The following AGAP1 variants were observed in gnomAD, a reference collection of about 807,000 sequenced individuals.
AGAP1 encodes ArfGAP with GTPase domain, ankyrin repeat and PH domain 1.
In AGAP1, 29 loss-of-function variants were observed where a neutral mutation model predicts 105.3. The observed-to-expected ratio is 0.28, with a 90% CI of 0.21 to 0.38. The LOEUF is 0.38. Ranked by LOEUF, AGAP1 falls within the 10% of genes least tolerant of loss-of-function variation. The probability of loss-of-function intolerance (pLI) is 1.00; values close to 1 mark genes in which losing one functional copy is unlikely to be tolerated. For missense variants in AGAP1, 998 were observed against 1,165.1 expected (o/e 0.86, Z 2.09); for synonymous variants, 509 against 485.9 (o/e 1.05, Z -0.63).
At chr2:235,538,649 C>CGAAG (rs1559233332) in intron 1 of AGAP1, among the ~76,000 whole-genome samples, 2 of 152,072 alleles carry the variant, frequency 1.3e-5, no homozygotes, top group Admixed American at 6.5e-5. Context: ...TTACCCTCTT[C>CGAAG]CTCTTTGGTT....
intron 1 of AGAP1, among the ~76,000 whole-genome samples, chr2:235,658,380 C>T (rs2149334893): frequency 6.6e-6 from 1 of 152,334 alleles, no homozygotes; most frequent in Admixed American, 6.5e-5. Context: ...AAGGCCCAGG[C>T]CTTTGTACTG....
chr2:235,718,261 G>A (rs1951217967), intron 3 of AGAP1: 1 of 503,452 alleles, frequency 2.0e-6, no homozygotes, highest in Non-Finnish European at 2.6e-6. Flanking sequence ...ACGAAGGGGT[G>A]TAGTTGACAA....
intron 1 of AGAP1, among the ~76,000 whole-genome samples, chr2:235,584,532 C>A (rs1945038501): frequency 6.7e-6 from 1 of 149,918 alleles, no homozygotes. Context: ...GAGGTTGTGA[C>A]AGCAACACGC....
At chr2:235,544,294 G>C (rs1943551767) in intron 1 of AGAP1, among the ~76,000 whole-genome samples, 1 of 152,114 alleles carries the variant, frequency 6.6e-6, no homozygotes, top group Non-Finnish European at 1.5e-5. Context: ...ACTCCCTCTT[G>C]GTAAAATTGT....
chr2:235,820,195 A>G (rs1334307812), intron 9 of AGAP1, among the ~76,000 whole-genome samples: 1 of 152,188 alleles, frequency 6.6e-6, no homozygotes, highest in Non-Finnish European at 1.5e-5. Context: ...GCGTGGCTAA[A>G]ATGTCTTTTC....
intron 12 of AGAP1, among the ~76,000 whole-genome samples, chr2:235,947,675 C>T (rs565940631): frequency 2.0e-5 from 3 of 152,274 alleles, no homozygotes; most frequent in African/African-American, 7.2e-5. Flanking sequence ...GAGGGACTGT[C>T]TTGTTTGCCT....
In AGAP1 at chr2:235,569,158, T is replaced by G. The variant is rs1439619069; in HGVS notation, c.163+74309T>G. 3.3e-5 allele frequency among the ~76,000 whole-genome samples: 5 copies of G among 152,084 alleles called. No individual in the cohort carries two copies. Among genetic ancestry groups the G allele is most frequent in the African/African-American group, 1.2e-4 (5 of 41,410 alleles). ...GGCGGAAACCCGTCTCTATTAAAAG[T>G]ATAAAAATTAGCTGGGTGTGGTGGC... On this transcript the variant is annotated intron_variant, in intron 1 of 17. Coordinates refer to ENST00000304032, the MANE Select transcript of AGAP1 (RefSeq NM_001037131.3). This position sits in a 1 kb window ranked among gnomAD's most constrained non-coding sequence, Gnocchi z 5.9.
intron 6 of AGAP1, chr2:235,774,562 C>T (rs916704390): frequency 7.2e-5 from 22 of 304,096 alleles, no homozygotes; most frequent in East Asian, 2.0e-4. Context: ...TGAAAACTGT[C>T]GCATTTAAAA....
rs112386631 is a variant in AGAP1 at position 236,107,920 on chromosome 2, C to T, written c.2115-12272C>T. On this transcript the variant is annotated intron_variant, in intron 16 of 17. Coordinates refer to ENST00000304032, the MANE Select transcript of AGAP1 (RefSeq NM_001037131.3). ...ATAATGATCCTCTTCTGTTCCTCTG[C>T]GCTCATAAAACACCCTGCAGGTTGG... is the stretch of plus-strand genomic sequence containing the variant. 2.0e-3 allele frequency among the ~76,000 whole-genome samples: 299 copies of T among 152,312 alleles called. 3 individuals are homozygous for T. The highest frequency in any genetic ancestry group is 6.7e-3 in the African/African-American group (279 of 41,566).
chr2:235,850,963 C>G (rs1166831990), intron 9 of AGAP1, among the ~76,000 whole-genome samples: 1 of 152,222 alleles, frequency 6.6e-6, no homozygotes, highest in African/African-American at 2.4e-5. Flanking sequence ...GTTCCGGGAC[C>G]TGGCCCAGCA....
At chr2:236,018,058 G>A (rs769071498) in intron 13 of AGAP1, among the ~76,000 whole-genome samples, 5 of 152,210 alleles carry the variant, frequency 3.3e-5, no homozygotes, top group Non-Finnish European at 5.9e-5. Flanking sequence ...TCTTTTGTCT[G>A]TCCATTGTGG....
intron 1 of AGAP1, among the ~76,000 whole-genome samples, chr2:235,647,766 A>T (rs1947440299): frequency 6.6e-6 from 1 of 152,090 alleles, no homozygotes; most frequent in Admixed American, 6.5e-5. Flanking sequence ...ATGAACTTCC[A>T]TTCTAGTCTA....
intron 13 of AGAP1, among the ~76,000 whole-genome samples, chr2:236,022,156 A>C (rs770632337): frequency 4.6e-5 from 7 of 151,780 alleles, no homozygotes; most frequent in Non-Finnish European, 8.8e-5. Context: ...TTGAACTGCT[A>C]TCCCAGCTCT....
rs10190691 is a variant in AGAP1 at position 235,753,603 on chromosome 2, A to G, written c.673+3115A>G. ...CACCTGTAATCCCAGCTACTCAGGA[A>G]GCCAAGGCAGGAGAATCGCTTGAAC... On this transcript the variant is annotated intron_variant, in intron 6 of 17. Coordinates refer to ENST00000304032, the MANE Select transcript of AGAP1 (RefSeq NM_001037131.3). The surrounding 1 kb of genome is among the most constrained non-coding windows in gnomAD (Gnocchi z 4.5). Among the ~76,000 whole-genome samples the G allele has an allele frequency of 0.021, 3,177 of 152,066 alleles. 96 individuals are homozygous for G. Among genetic ancestry groups the G allele is most frequent in the African/African-American group, 0.066 (2,730 of 41,476 alleles).
chr2:235,888,814 T>C lies in AGAP1; in HGVS notation c.1155+5365T>C, dbSNP rs2050390870. Among the ~76,000 whole-genome samples, 1 of 152,066 alleles carries C rather than the reference T, an allele frequency of 6.6e-6. No homozygotes were observed. Among genetic ancestry groups the C allele is most frequent in the Non-Finnish European group, 1.5e-5 (1 of 67,998 alleles). On this transcript the variant is annotated intron_variant, in intron 10 of 17. Coordinates refer to ENST00000304032, the MANE Select transcript of AGAP1 (RefSeq NM_001037131.3). The surrounding 1 kb of genome is among the most constrained non-coding windows in gnomAD (Gnocchi z 4.8). ...TGTGGCCACTTCAGCTCCTGCGTGC[T>C]CCCAGCAGTGCCAGCATCCTCATAC...
In AGAP1 at chr2:235,732,807, A is replaced by G. The variant is rs1293181318; in HGVS notation, c.311-8156A>G. 1.3e-5 allele frequency among the ~76,000 whole-genome samples: 2 copies of G among 152,002 alleles called. No individual in the cohort carries two copies. The highest frequency in any genetic ancestry group is 4.8e-5 in the African/African-American group (2 of 41,388). ...ACCGCCCTGCTTCCTGTGGTGGGAGAAGGTGAGGGAGAGGAGATGCTCTCA... is the reference window on the plus strand; with the variant it reads ...ACCGCCCTGCTTCCTGTGGTGGGAGGAGGTGAGGGAGAGGAGATGCTCTCA... On this transcript the variant is annotated intron_variant, in intron 3 of 17. Coordinates refer to ENST00000304032, the MANE Select transcript of AGAP1 (RefSeq NM_001037131.3). The surrounding 1 kb of genome is among the most constrained non-coding windows in gnomAD (Gnocchi z 4.8).
At chr2:236,112,434 C>A (rs981292478) in intron 16 of AGAP1, among the ~76,000 whole-genome samples, 4 of 151,390 alleles carry the variant, frequency 2.6e-5, no homozygotes, top group African/African-American at 9.7e-5. Flanking sequence ...AAAAGGAAAA[C>A]GAAAGAAAAG....
rs1231209727 is a variant in AGAP1, at chr2:236,073,552, A to G, written c.2114+24271A>G. 1.3e-5 allele frequency among the ~76,000 whole-genome samples: 2 copies of G among 152,184 alleles called. No individual in the cohort carries two copies. The highest frequency in any genetic ancestry group is 2.9e-5 in the Non-Finnish European group (2 of 68,032). On this transcript the variant is annotated intron_variant, in intron 16 of 17. Transcript: ENST00000304032. This position sits in a 1 kb window ranked among gnomAD's most constrained non-coding sequence, Gnocchi z 5.4. The stretch of plus-strand genomic sequence containing the variant: ...CCATCTTGGTGTTGCGCCAGTCAGG[A>G]GTAATTGTTGTAAGTTAGGCTTTGA...
intron 6 of AGAP1, among the ~76,000 whole-genome samples, chr2:235,758,725 A>G (rs1363295422): frequency 6.6e-6 from 1 of 152,226 alleles, no homozygotes; most frequent in African/African-American, 2.4e-5. Flanking sequence ...CGGTACCAAT[A>G]CAAATGGGGG....
Sources: gnomAD v4.1 joint callset for allele counts (sites outside exome capture counted in the v4.1 genomes callset) on GRCh38, gnomAD v4.1.1 for gene constraint, Gnocchi (gnomAD v3.1) non-coding constraint, MANE v1.5 for transcripts, NCBI Gene and HGNC (gene_info 2026-07-23, HGNC 2026-07-21) for gene names.